PUDP: variants seen among roughly 807,000 people sequenced by gnomAD.
PUDP encodes pseudouridine 5'-phosphatase.
A neutral mutation model predicts 9.4 loss-of-function variants in PUDP; 8 were observed. The ratio of observed to expected loss-of-function variants is 0.85; its 90% CI spans 0.50 to 1.53. The LOEUF (loss-of-function observed/expected upper bound fraction) is 1.53, where lower values mean the gene tolerates loss of function less well. Ranked by LOEUF, PUDP falls within the 40% of genes most tolerant of loss-of-function variation. The pLI, the probability that PUDP is intolerant of heterozygous loss-of-function variation, is 0.00. For missense variants in PUDP, 188 were observed against 189.7 expected (o/e 0.99, Z 0.05); for synonymous variants, 99 against 80.7 (o/e 1.23, Z -1.22).
chrX:6,767,544 G>A (rs1182348330), intron 3 of PUDP, among the ~76,000 whole-genome samples: 2 of 112,232 alleles, frequency 1.8e-5, no homozygotes, highest in South Asian at 3.7e-4. Context: ...ATGCCAGTTC[G>A]CCCTTCATAG....
chrX:6,995,738 AT>A (rs1186780618), intron 1 of PUDP, among the ~76,000 whole-genome samples: 1 of 108,882 alleles, frequency 9.2e-6, no homozygotes, highest in African/African-American at 3.3e-5. Flanking sequence ...ACAATAAAAA[AT>A]AAAAATAAAA....
At chrX:6,710,493 T>A (rs1454760559) in intron 1 of PUDP, among the ~76,000 whole-genome samples, 1 of 111,785 alleles carries the variant, frequency 8.9e-6, no homozygotes, top group African/African-American at 3.3e-5. Flanking sequence ...CTGTGACCTC[T>A]CAGGACTCAC....
At chrX:6,745,228 T>C (rs1924986067) in intron 3 of PUDP, among the ~76,000 whole-genome samples, 1 of 112,078 alleles carries the variant, frequency 8.9e-6, no homozygotes, top group Admixed American at 9.5e-5. Context: ...GAATTCTCTC[T>C]GGCACTGATA....
At chrX:6,902,301 C>A (rs1927702179) in intron 3 of PUDP, among the ~76,000 whole-genome samples, 1 of 111,996 alleles carries the variant, frequency 8.9e-6, no homozygotes, top group Non-Finnish European at 1.9e-5. Context: ...GTTCCCAATT[C>A]AATTCTGTTT....
chrX:7,032,905 T>G (rs1929810075), intron 1 of PUDP, among the ~76,000 whole-genome samples: 1 of 111,952 alleles, frequency 8.9e-6, no homozygotes, highest in African/African-American at 3.2e-5. Flanking sequence ...TCAACTTGAT[T>G]GGATTGAAAG....
intron 1 of PUDP, among the ~76,000 whole-genome samples, chrX:6,979,702 A>C (rs889915241): frequency 1.2e-4 from 13 of 111,845 alleles, no homozygotes; most frequent in African/African-American, 4.2e-4. Flanking sequence ...GGCGAGGACT[A>C]AGCAAAGCTT....
chrX:6,986,894 C>G (rs1272547101), intron 1 of PUDP, among the ~76,000 whole-genome samples: 4 of 111,946 alleles, frequency 3.6e-5, no homozygotes, highest in African/African-American at 9.8e-5. Flanking sequence ...CCGAATATCC[C>G]CAAAGCAGAA....
intron 1 of PUDP, among the ~76,000 whole-genome samples, chrX:7,147,079 G>C (rs1932879621): frequency 9.0e-6 from 1 of 110,975 alleles, no homozygotes; most frequent in Admixed American, 9.6e-5. Context: ...TTTATTCTTT[G>C]AATTCTACTT....
intron 3 of PUDP, among the ~76,000 whole-genome samples, chrX:6,794,544 T>C (rs931214856): frequency 1.8e-5 from 2 of 110,937 alleles, no homozygotes; most frequent in Admixed American, 1.9e-4. Context: ...ACATTTAATT[T>C]ACTTAAAAAA....
chrX:6,734,635 G>A (rs199937867), intron 3 of PUDP, among the ~76,000 whole-genome samples: 26 of 111,253 alleles, frequency 2.3e-4, no homozygotes, highest in East Asian at 5.6e-4. Flanking sequence ...AGTGGTGTGC[G>A]CCTGTAGTCC....
chrX:6,853,344 G>T (rs12687237), intron 3 of PUDP, among the ~76,000 whole-genome samples: 10,772 of 110,146 alleles, frequency 0.098, 622 homozygotes, highest in East Asian at 0.46. Flanking sequence ...TGGGAATTCC[G>T]GGCTCATGTT....
chrX:6,882,513 G>A (rs7471199), intron 3 of PUDP, among the ~76,000 whole-genome samples: 12,518 of 110,899 alleles, frequency 0.11, 764 homozygotes, highest in East Asian at 0.46. Context: ...CCATTTTCGG[G>A]GGGGCTACAG....
chrX:7,131,681 C>T (rs1339046382), intron 1 of PUDP, among the ~76,000 whole-genome samples: 2 of 109,055 alleles, frequency 1.8e-5, no homozygotes, highest in East Asian at 5.8e-4. Flanking sequence ...ACAATGGCAA[C>T]AGCCTTCTAC....
intron 3 of PUDP, among the ~76,000 whole-genome samples, chrX:6,970,481 G>A (rs747293533): frequency 3.6e-5 from 4 of 111,388 alleles, no homozygotes; most frequent in African/African-American, 9.8e-5. Flanking sequence ...AGATTAGGAG[G>A]ATCTATCTGG....
intron 3 of PUDP, among the ~76,000 whole-genome samples, chrX:6,877,260 C>G (rs993468446): frequency 9.0e-6 from 1 of 111,249 alleles, no homozygotes; most frequent in Non-Finnish European, 1.9e-5. Context: ...TATACCCAGC[C>G]AAGCATCTGT....
At chrX:7,108,673 T>C (rs886605296) in intron 1 of PUDP, among the ~76,000 whole-genome samples, 2 of 112,483 alleles carry the variant, frequency 1.8e-5, no homozygotes, top group African/African-American at 6.5e-5. Context: ...TTCAGCACTA[T>C]AATATTTTTC....
intron 3 of PUDP, among the ~76,000 whole-genome samples, chrX:6,785,058 C>T (rs372494219): frequency 8.9e-6 from 1 of 112,561 alleles, no homozygotes; most frequent in Non-Finnish European, 1.9e-5. Context: ...CTTTCCACGA[C>T]GTTATCTTTT....
chrX:7,071,729 T>C (rs1266768283), intron 3 of PUDP, among the ~76,000 whole-genome samples: 1 of 109,889 alleles, frequency 9.1e-6, no homozygotes, highest in Non-Finnish European at 1.9e-5. Context: ...TTGAAAGAAT[T>C]TCACAGAACA....
At chrX:6,922,914 CT>C (rs1333008513) in intron 3 of PUDP, among the ~76,000 whole-genome samples, 1 of 112,232 alleles carries the variant, frequency 8.9e-6, no homozygotes, top group African/African-American at 3.2e-5. Context: ...ACATCACATG[CT>C]TCTGTTCTTG....
Sources: allele counts gnomAD v4.1 joint callset (sites outside exome capture counted in the v4.1 genomes callset), GRCh38; gene constraint gnomAD v4.1.1; transcripts MANE v1.5; gene names NCBI Gene and HGNC (gene_info 2026-07-23, HGNC 2026-07-21).